ZNF608: variants seen among roughly 807,000 people sequenced by gnomAD.
The protein encoded by ZNF608 is zinc finger protein 608.
A neutral mutation model predicts 109.0 loss-of-function variants in ZNF608; 12 were observed. The observed-to-expected ratio is 0.11, with a 90% CI of 0.07 to 0.18. The LOEUF is 0.18. ZNF608 is among the 10% of genes least tolerant of loss of function. The pLI is 1.00. For missense variants in ZNF608, 1,707 were observed against 1,879.3 expected (o/e 0.91, Z 1.70); for synonymous variants, 732 against 717.4 (o/e 1.02, Z -0.33).
At chr5:124,729,305 C>A (rs1358846045) in intron 2 of ZNF608, among the ~76,000 whole-genome samples, 1 of 152,212 alleles carries the variant, frequency 6.6e-6, no homozygotes, top group Non-Finnish European at 1.5e-5. Flanking sequence ...CTAGCCCAGG[C>A]CTCCAAGAGC....
chr5:124,642,749 A>G lies in ZNF608; in HGVS notation c.4296+762T>C, dbSNP rs568646194. Among the ~76,000 whole-genome samples, 25 of 135,616 alleles carry G rather than the reference A, an allele frequency of 1.8e-4. 1 individual carries two copies. Among genetic ancestry groups the G allele is most frequent in the African/African-American group, 7.2e-4 (25 of 34,664 alleles). The allele number at this position is 135,616 out of a possible 152,430, so 89.0% of individuals were successfully genotyped here. A position where few individuals can be genotyped will look rare whatever the true frequency, so the allele number is the denominator to read the frequency against. ...AGCCTTGCTCTGTCGCCCACGCTAG[A>G]GTGCAGTGGCACAATCTCTGCTCAC... On this transcript the variant is annotated intron_variant, in intron 7 of 9. Coordinates refer to ENST00000513986, the MANE Select transcript of ZNF608 (RefSeq NM_020747.3).
intron 2 of ZNF608, among the ~76,000 whole-genome samples, chr5:124,740,467 G>C (rs1252920150): frequency 6.8e-6 from 1 of 147,678 alleles, no homozygotes; most frequent in Non-Finnish European, 1.5e-5. Flanking sequence ...TTTCACAGTA[G>C]ATACACTACA....
At chr5:124,719,672 G>C (rs753581840) in intron 2 of ZNF608, among the ~76,000 whole-genome samples, 7 of 152,128 alleles carry the variant, frequency 4.6e-5, no homozygotes, top group African/African-American at 1.7e-4. Flanking sequence ...CTTTATGTGG[G>C]GATCAAAGAT....
Position 124,744,600 on chromosome 5 carries a change from G to A in ZNF608, c.390C>T (p.Ile130=), listed in dbSNP as rs1309677237. The A allele has an allele frequency of 4.3e-6, 7 of 1,614,114 alleles. No homozygotes were observed. The Admixed American group carries it at 1.2e-4, about 27-fold the overall frequency. The stretch of plus-strand genomic sequence containing the variant: ...CTTCCTGCCTCTTGCCAGTGCTGCT[G>A]ATCTCGGGAATCCCATACAAGGCAG... The part of the protein sequence containing the change: ...PSAALYGIPE[I]SSTGKRQEVQ... Residue 130 remains isoleucine, a synonymous_variant, in exon 2 of 10, where the codon ATC becomes ATT. Transcript: ENST00000513986. The surrounding 1 kb of genome is among the most constrained non-coding windows in gnomAD (Gnocchi z 4.5).
intron 2 of ZNF608, among the ~76,000 whole-genome samples, chr5:124,711,275 T>C (rs1753477266): frequency 6.6e-6 from 1 of 152,250 alleles, no homozygotes. Context: ...TTGTGTGTTC[T>C]TTCAGAAATT....
At chr5:124,747,132 A>G (rs796482262), upstream of ZNF608, among the ~76,000 whole-genome samples, 11 of 150,604 alleles carry the variant, frequency 7.3e-5, no homozygotes, top group African/African-American at 2.7e-4. Context: ...TCATGTGGTA[A>G]TTCGATAATT....
At chr5:124,670,814 AGCAACCACTGGGTCAGCCCTTAT>A (rs762772305) in intron 3 of ZNF608, among the ~76,000 whole-genome samples, 38 of 152,204 alleles carry the variant, frequency 2.5e-4, no homozygotes, top group Non-Finnish European at 5.4e-4. Context: ...GTGACAGCAG[AGCAACCACTGGGTCAGCCCTTAT>A]AAGTCGTTTT....
chr5:124,709,494 A>T (rs571481258), intron 2 of ZNF608, among the ~76,000 whole-genome samples: 1 of 152,184 alleles, frequency 6.6e-6, no homozygotes, highest in Non-Finnish European at 1.5e-5. Context: ...TTCCTCCCTC[A>T]AAGGCCTTGA....
At chr5:124,645,878 G>A (rs528206953) in intron 5 of ZNF608, among the ~76,000 whole-genome samples, 3 of 152,134 alleles carry the variant, frequency 2.0e-5, no homozygotes, top group Admixed American at 1.3e-4. Flanking sequence ...AGAAATTTGG[G>A]CCCCAAATTC....
intron 2 of ZNF608, among the ~76,000 whole-genome samples, chr5:124,723,837 A>G (rs1460356988): frequency 1.3e-5 from 2 of 152,230 alleles, no homozygotes; most frequent in Non-Finnish European, 2.9e-5. Flanking sequence ...TGAAAAAATT[A>G]TATATTTAAT....
intron 3 of ZNF608, among the ~76,000 whole-genome samples, chr5:124,697,071 C>A (rs1285584204): frequency 2.0e-5 from 3 of 152,022 alleles, no homozygotes; most frequent in African/African-American, 7.3e-5. Flanking sequence ...GCAAGTACCA[C>A]TTTTCTTTCT....
chr5:124,649,153 A>G lies in ZNF608; in HGVS notation c.1251-20T>C. The G allele has an allele frequency of 6.5e-7, 1 of 1,528,990 alleles. No individual in the cohort carries two copies. Among genetic ancestry groups the G allele is most frequent in the Non-Finnish European group, 8.8e-7 (1 of 1,142,156 alleles). The allele number at this position is 1,528,990 out of a possible 1,614,324, so 94.7% of individuals were successfully genotyped here. On this transcript the variant is annotated intron_variant, in intron 4 of 9. Coordinates refer to ENST00000513986, the MANE Select transcript of ZNF608 (RefSeq NM_020747.3). ...CAAAACCTATGGAAGCAAGTAACAG[A>G]TGTGAAAATGAGCATCCCCAAAAGA...
intron 3 of ZNF608, among the ~76,000 whole-genome samples, chr5:124,665,184 A>ACC (rs1751428666): frequency 6.6e-6 from 1 of 151,748 alleles, no homozygotes; most frequent in Non-Finnish European, 1.5e-5. Flanking sequence ...TCCCCCCAAA[A>ACC]AAAAAAAAAA....
rs563055896 is a variant in ZNF608 at position 124,682,218 on chromosome 5, G to A, written c.1162+18796C>T. ...CTCCCCAGTAGCTGGGCTTACAAGC[G>A]CCTGCTACCATGCCTGGCTAATTTT... is the stretch of plus-strand genomic sequence containing the variant. On this transcript the variant is annotated intron_variant, in intron 3 of 9. Coordinates refer to ENST00000513986, the MANE Select transcript of ZNF608 (RefSeq NM_020747.3). Among the ~76,000 whole-genome samples, 5 of 152,226 alleles carry A rather than the reference G, an allele frequency of 3.3e-5. No homozygotes were observed. The South Asian group carries it at 8.3e-4, about 25-fold the overall frequency.
intron 3 of ZNF608, among the ~76,000 whole-genome samples, chr5:124,665,191 A>G (rs1751428857): frequency 6.6e-6 from 1 of 152,128 alleles, no homozygotes; most frequent in East Asian, 1.9e-4. Context: ...AAAAAAAAAA[A>G]AAAATACCAT....
chr5:124,722,240 A>AACTTCAT (rs1314506976), intron 2 of ZNF608, among the ~76,000 whole-genome samples: 2 of 152,256 alleles, frequency 1.3e-5, no homozygotes, highest in Admixed American at 6.5e-5. Context: ...TAATACTTAC[A>AACTTCAT]ACTTCATGCT....
At chr5:124,700,905 C>G in intron 3 of ZNF608, 109 bp downstream of exon 3, 1 of 1,428,818 alleles carries the variant, frequency 7.0e-7, no homozygotes, top group Non-Finnish European at 9.5e-7. Flanking sequence ...ATAAAAAACA[C>G]TTTCCATTCC....
intron 2 of ZNF608, among the ~76,000 whole-genome samples, chr5:124,704,674 G>A (rs1216476999): frequency 4.0e-5 from 6 of 151,864 alleles, no homozygotes; most frequent in Non-Finnish European, 5.9e-5. Flanking sequence ...GCTCTCCTGG[G>A]CCCACATTCC....
chr5:124,698,106 A>G (rs1446768827), intron 3 of ZNF608, among the ~76,000 whole-genome samples: 1 of 152,158 alleles, frequency 6.6e-6, no homozygotes, highest in East Asian at 1.9e-4. Context: ...CTACAAAACT[A>G]TTGTAGCTTA....
Sources: gnomAD v4.1 joint callset for allele counts (sites outside exome capture counted in the v4.1 genomes callset) on GRCh38, gnomAD v4.1.1 for gene constraint, Gnocchi (gnomAD v3.1) non-coding constraint, MANE v1.5 for transcripts, NCBI Gene and HGNC (gene_info 2026-07-23, HGNC 2026-07-21) for gene names.